CEP41: variants seen among roughly 807,000 people sequenced by gnomAD.
CEP41 encodes centrosomal protein of 41 kDa.
Under a neutral mutation model 44.3 loss-of-function variants are expected in CEP41, and 32 were observed. That is an observed-to-expected ratio of 0.72 (90% confidence interval 0.54 to 0.97). The LOEUF (loss-of-function observed/expected upper bound fraction) is 0.97, where lower values mean the gene tolerates loss of function less well. CEP41 is among the 50% of genes least tolerant of loss of function. CEP41 has a pLI of 0.00. For missense variants in CEP41, 432 were observed against 455.2 expected, an observed-to-expected ratio of 0.95 and a Z score of 0.46; for synonymous variants, 151 against 168.5, an observed-to-expected ratio of 0.90 and a Z score of 0.80.
intron 2 of CEP41, chr7:130,421,885 A>T: frequency 6.6e-7 from 1 of 1,516,028 alleles, no homozygotes. Flanking sequence ...AGGGTGCTTG[A>T]GAATATACAA....
Position 130,411,198 on chromosome 7 carries a change from G to C in CEP41, c.208-7C>G, listed in dbSNP as rs782769113. On this transcript the variant is annotated splice_polypyrimidine_tract_variant and splice_region_variant and intron_variant, in intron 4 of 10. Coordinates refer to ENST00000223208, the MANE Select transcript of CEP41 (RefSeq NM_018718.3). ...GGGAAGCAACTTGGATGATCTGATA[G>C]AAAAAAGAATGAAATGTGTGGATGT... The C allele has an allele frequency of 5.0e-6, 8 of 1,610,830 alleles. No individual in the cohort carries two copies. In the East Asian group the frequency reaches 1.3e-4, roughly 27 times the overall value.
chr7:130,438,343 G>A (rs1798037518), intron 1 of CEP41, among the ~76,000 whole-genome samples: 1 of 152,148 alleles, frequency 6.6e-6, no homozygotes, highest in Non-Finnish European at 1.5e-5. Flanking sequence ...GGGTGGCTTT[G>A]AGCTCAAAAG....
chr7:130,438,889 C>T (rs1449999054), intron 1 of CEP41, among the ~76,000 whole-genome samples: 1 of 152,142 alleles, frequency 6.6e-6, no homozygotes, highest in South Asian at 2.1e-4. Context: ...CACACACACA[C>T]AATGTGGAAT....
intron 5 of CEP41, chr7:130,410,753 C>A: frequency 3.1e-6 from 1 of 323,304 alleles, no homozygotes; most frequent in Non-Finnish European, 5.9e-6. Context: ...TACATGTGTG[C>A]ACATGCACAC....
At chr7:130,436,643 ATTT>A (rs71527964) in intron 1 of CEP41, among the ~76,000 whole-genome samples, 16 of 114,572 alleles carry the variant, frequency 1.4e-4, no homozygotes, top group African/African-American at 2.6e-4. Flanking sequence ...TCTTTGTACT[ATTT>A]TTTTTTTTTT....
intron 1 of CEP41, chr7:130,440,562 G>A: frequency 2.2e-6 from 1 of 447,984 alleles, no homozygotes; most frequent in Non-Finnish European, 4.1e-6. Context: ...CCCACAATCA[G>A]AGATGCTGGC....
chr7:130,432,913 G>T (rs1249184358), intron 1 of CEP41, among the ~76,000 whole-genome samples: 5 of 152,184 alleles, frequency 3.3e-5, no homozygotes, highest in Non-Finnish European at 5.9e-5. Flanking sequence ...TCATGCTGAG[G>T]AGAGTGCAGA....
intron 5 of CEP41, 188 bp downstream of exon 5, chr7:130,410,934 A>G: frequency 1.5e-6 from 1 of 651,014 alleles, no homozygotes. Flanking sequence ...TCAGAAAACC[A>G]GATGGCTTTT....
intron 1 of CEP41, among the ~76,000 whole-genome samples, chr7:130,431,784 AC>A (rs1290291901): frequency 6.6e-6 from 1 of 152,156 alleles, no homozygotes; most frequent in East Asian, 1.9e-4. Context: ...AAATACGGGG[AC>A]AAACGATGCT....
At chr7:130,411,480 T>G (rs550390221) in intron 4 of CEP41, among the ~76,000 whole-genome samples, 155 of 152,350 alleles carry the variant, frequency 1.0e-3, no homozygotes, top group Middle Eastern at 3.4e-3. Flanking sequence ...AAACCACATC[T>G]GTATATATCG....
rs538898722 is a variant in CEP41, at chr7:130,394,569, C to T, written c.*4322G>A. The T allele has an allele frequency of 2.6e-3, 1,180 of 454,064 alleles. No homozygotes were observed. The highest frequency in any genetic ancestry group is 3.7e-3 in the Non-Finnish European group (840 of 226,780). 28.1% of individuals were successfully genotyped at this position (454,064 alleles called of 1,614,324 possible). ...CAGGGTAATAACACCCCCAGCAGCT[C>T]TCTGGGTACTTCCTGTAGAGGGAGA... is the stretch of plus-strand genomic sequence containing the variant. On this transcript the variant is annotated 3_prime_UTR_variant, in exon 11 of 11. Transcript: ENST00000223208.
intron 10 of CEP41, 200 bp downstream of exon 10, chr7:130,399,839 A>G (rs1035675576): frequency 3.7e-6 from 2 of 536,394 alleles, no homozygotes; most frequent in Non-Finnish European, 6.7e-6. Flanking sequence ...AAAAGTCGCT[A>G]TGTTTTGATA....
chr7:130,411,571 G>A (rs1325556974), intron 4 of CEP41, among the ~76,000 whole-genome samples: 1 of 152,236 alleles, frequency 6.6e-6, no homozygotes, highest in Middle Eastern at 3.4e-3. Flanking sequence ...AATTATCCAC[G>A]CAATGAAGAA....
At chr7:130,416,099 G>A (rs1562986982) in intron 3 of CEP41, among the ~76,000 whole-genome samples, 1 of 152,156 alleles carries the variant, frequency 6.6e-6, no homozygotes, top group African/African-American at 2.4e-5. Flanking sequence ...ATGTTCTGAT[G>A]TATTCTGGAT....
chr7:130,404,787 C>A, intron 5 of CEP41, 79 bp from the exon 6 acceptor site: 1 of 1,126,784 alleles, frequency 8.9e-7, no homozygotes, highest in South Asian at 1.2e-5. Context: ...GACATTAAGT[C>A]AAGAAAAGGA....
chr7:130,428,597 GAA>G (rs1163753203), intron 1 of CEP41, among the ~76,000 whole-genome samples: 1 of 137,954 alleles, frequency 7.2e-6, no homozygotes, highest in Admixed American at 7.3e-5. Context: ...TACCTGATAA[GAA>G]AAAAAAAAAA....
chr7:130,426,768 C>T, intron 2 of CEP41: 1 of 410,306 alleles, frequency 2.4e-6, no homozygotes, highest in Non-Finnish European at 4.8e-6. Flanking sequence ...GCCTAAGAAA[C>T]AGTACACCAG....
intron 1 of CEP41, among the ~76,000 whole-genome samples, chr7:130,440,236 G>T (rs554064683): frequency 6.6e-6 from 1 of 152,260 alleles, no homozygotes; most frequent in South Asian, 2.1e-4. Context: ...GGCCAGGCTG[G>T]TCTCAAACTT....
chr7:130,409,828 ACCC>A (rs1797120563), intron 5 of CEP41, among the ~76,000 whole-genome samples: 1 of 152,096 alleles, frequency 6.6e-6, no homozygotes. Context: ...CTTATCTCCT[ACCC>A]AGCGCCTACT....
Sources: gnomAD v4.1 joint callset for allele counts (sites outside exome capture counted in the v4.1 genomes callset) on GRCh38, gnomAD v4.1.1 for gene constraint, MANE v1.5 for transcripts, NCBI Gene and HGNC (gene_info 2026-07-23, HGNC 2026-07-21) for gene names.